The following ZNF423 variants were observed in gnomAD, a reference collection of about 807,000 sequenced individuals.
ZNF423 encodes the protein zinc finger protein 423.
ZNF423 carries 12 observed loss-of-function variants against 95.8 expected under a neutral mutation model. That is an observed-to-expected ratio of 0.13 (90% CI 0.08 to 0.20). The LOEUF (loss-of-function observed/expected upper bound fraction) is 0.20, where lower values mean the gene tolerates loss of function less well. ZNF423 is among the 10% of genes least tolerant of loss of function. ZNF423 has a pLI of 1.00. For missense variants in ZNF423, 1,316 were observed against 1,737.1 expected, an observed-to-expected ratio of 0.76 and a Z score of 4.31; for synonymous variants, 749 against 711.9, an observed-to-expected ratio of 1.05 and a Z score of -0.83.
At chr16:49,496,585 A>G (rs13336675) in intron 7 of ZNF423, among the ~76,000 whole-genome samples, 39,012 of 152,116 alleles carry the variant, frequency 0.26, 5,087 homozygotes, top group South Asian at 0.32. Context: ...AGAACTGTGA[A>G]CCAAATAAAA....
intron 5 of ZNF423, among the ~76,000 whole-genome samples, chr16:49,552,870 C>T (rs568535244): frequency 3.9e-5 from 6 of 151,936 alleles, no homozygotes; most frequent in Admixed American, 1.3e-4. Flanking sequence ...GCCCCCACCC[C>T]TCCAGGAGGG....
At chr16:49,665,231 A>G (rs2030479885) in intron 3 of ZNF423, among the ~76,000 whole-genome samples, 1 of 152,232 alleles carries the variant, frequency 6.6e-6, no homozygotes, top group African/African-American at 2.4e-5. Flanking sequence ...GATGTCACCC[A>G]CACATCCTTT....
At chr16:49,653,029 G>A (rs1458616023) in intron 3 of ZNF423, among the ~76,000 whole-genome samples, 2 of 152,146 alleles carry the variant, frequency 1.3e-5, no homozygotes, top group Non-Finnish European at 2.9e-5. Flanking sequence ...ATGTTTTGTC[G>A]TGCTCTGTGA....
At chr16:49,693,950 C>T (rs986844862) in intron 3 of ZNF423, among the ~76,000 whole-genome samples, 11 of 152,180 alleles carry the variant, frequency 7.2e-5, no homozygotes, top group African/African-American at 2.4e-4. Context: ...TTCAGTTCAA[C>T]ATCCTTCTCT....
chr16:49,492,786 G>A lies in ZNF423; in HGVS notation c.3850-1482C>T, dbSNP rs1236044415. Among the ~76,000 whole-genome samples the A allele has an allele frequency of 2.0e-5, 3 of 152,166 alleles. No individual in the cohort carries two copies. The highest frequency in any genetic ancestry group is 4.4e-5 in the Non-Finnish European group (3 of 68,018). On this transcript the variant is annotated intron_variant, in intron 7 of 7. Coordinates refer to ENST00000563137, the MANE Select transcript of ZNF423 (RefSeq NM_001379286.1). The surrounding 1 kb of genome is among the most constrained non-coding windows in gnomAD (Gnocchi z 4.2). ...AATCCTCACAACAGCCTTGCGAGGTGGGACTTCTTAAGATGAAGACACCGA... is the reference window on the plus strand; with the variant it reads ...AATCCTCACAACAGCCTTGCGAGGTAGGACTTCTTAAGATGAAGACACCGA...
intron 2 of ZNF423, among the ~76,000 whole-genome samples, chr16:49,752,360 A>G (rs1790375875): frequency 6.6e-6 from 1 of 152,156 alleles, no homozygotes; most frequent in Admixed American, 6.5e-5. Context: ...TGTCCCAGCC[A>G]CAGAAACCCT....
chr16:49,675,604 C>G (rs1206830204), intron 3 of ZNF423, among the ~76,000 whole-genome samples: 1 of 152,108 alleles, frequency 6.6e-6, no homozygotes. Context: ...TGCTGCTGCT[C>G]ATTTCCAGGC....
At chr16:49,783,862 C>G (rs529488763) in intron 2 of ZNF423, among the ~76,000 whole-genome samples, 2 of 150,978 alleles carry the variant, frequency 1.3e-5, no homozygotes, top group African/African-American at 4.9e-5. Context: ...CCCAGCTACT[C>G]GGGAGGCTGA....
chr16:49,658,218 C>A (rs56988983), intron 3 of ZNF423, among the ~76,000 whole-genome samples: 1 of 152,192 alleles, frequency 6.6e-6, no homozygotes, highest in African/African-American at 2.4e-5. Flanking sequence ...GTCCCTCTCC[C>A]CCTCCAGACA....
intron 5 of ZNF423, among the ~76,000 whole-genome samples, chr16:49,542,917 G>A (rs149838929): frequency 3.9e-4 from 60 of 152,290 alleles, no homozygotes; most frequent in African/African-American, 1.3e-3. Context: ...GGTGCAGCGA[G>A]AGGTTCTGTC....
intron 5 of ZNF423, among the ~76,000 whole-genome samples, chr16:49,544,756 G>C (rs989537595): frequency 1.3e-5 from 2 of 152,242 alleles, no homozygotes; most frequent in Non-Finnish European, 2.9e-5. Context: ...CAGTGACCTG[G>C]GAGCCAGGGC....
chr16:49,664,951 C>A (rs966691666), intron 3 of ZNF423, among the ~76,000 whole-genome samples: 6 of 152,372 alleles, frequency 3.9e-5, no homozygotes, highest in African/African-American at 1.4e-4. Context: ...CCAAGGCCTG[C>A]TTGCCTGTAA....
At chr16:49,574,154 C>T (rs1285597275) in intron 5 of ZNF423, among the ~76,000 whole-genome samples, 2 of 152,176 alleles carry the variant, frequency 1.3e-5, no homozygotes, top group Non-Finnish European at 2.9e-5. Flanking sequence ...GAGGCTGAGG[C>T]GGGAGGACTG....
intron 3 of ZNF423, among the ~76,000 whole-genome samples, chr16:49,687,546 A>G (rs2031612164): frequency 6.6e-6 from 1 of 152,228 alleles, no homozygotes; most frequent in African/African-American, 2.4e-5. Context: ...TCTAGAATCA[A>G]AGATCTTCAT....
chr16:49,608,795 C>A (rs138444715), intron 5 of ZNF423, among the ~76,000 whole-genome samples: 84 of 152,318 alleles, frequency 5.5e-4, no homozygotes, highest in African/African-American at 1.9e-3. Flanking sequence ...CTGCTCCAGG[C>A]AAACCCCACA....
chr16:49,718,041 G>A (rs948791940), intron 3 of ZNF423, among the ~76,000 whole-genome samples: 1 of 152,150 alleles, frequency 6.6e-6, no homozygotes, highest in Non-Finnish European at 1.5e-5. Context: ...CTACACAAGG[G>A]CAGGAACTGT....
chr16:49,747,838 C>A (rs1482007596), intron 2 of ZNF423, among the ~76,000 whole-genome samples: 2 of 152,248 alleles, frequency 1.3e-5, no homozygotes, highest in African/African-American at 4.8e-5. Context: ...AAGAGATTGT[C>A]CCCAGGGCAC....
At chr16:49,597,619 C>T (rs544725362) in intron 5 of ZNF423, among the ~76,000 whole-genome samples, 21 of 152,120 alleles carry the variant, frequency 1.4e-4, no homozygotes, top group African/African-American at 5.1e-4. Context: ...AGAGGATGCT[C>T]CAGTCTGCCG....
At chr16:49,644,658 CAAAAAAAAAAAAAAAAAAAAAAA>C (rs56066766) in intron 3 of ZNF423, among the ~76,000 whole-genome samples, 4 of 39,568 alleles carry the variant, frequency 1.0e-4, no homozygotes, top group East Asian at 2.5e-3. Context: ...AACTCTGACT[CAAAAAAAAAAAAAAAAAAAAAAA>C]AAAAAAAAAA....
Sources: gnomAD v4.1 joint callset for allele counts (sites outside exome capture counted in the v4.1 genomes callset) on GRCh38, gnomAD v4.1.1 for gene constraint, Gnocchi (gnomAD v3.1) non-coding constraint, MANE v1.5 for transcripts, NCBI Gene and HGNC (gene_info 2026-07-23, HGNC 2026-07-21) for gene names.